The following NR3C2 variants were observed in gnomAD, a reference collection of about 807,000 sequenced individuals.
The protein encoded by NR3C2 is mineralocorticoid receptor.
NR3C2 carries 15 observed loss-of-function variants against 86.4 expected under a neutral mutation model. That is an observed-to-expected ratio of 0.17 (90% confidence interval 0.12 to 0.27). The LOEUF is 0.27. NR3C2 is among the 10% of genes least tolerant of loss of function. NR3C2 has a pLI of 1.00. For synonymous variants in NR3C2, 458 were observed against 450.5 expected (o/e 1.02, Z -0.21); for missense variants, 960 against 1,195.6 (o/e 0.80, Z 2.91).
intron 2 of NR3C2, among the ~76,000 whole-genome samples, chr4:148,263,203 G>A (rs780399602): frequency 2.0e-5 from 3 of 152,086 alleles, no homozygotes; most frequent in Admixed American, 6.5e-5. Context: ...CCTCTACCCC[G>A]TGTTCCAATT....
chr4:148,346,905 G>A (rs1745026062), intron 2 of NR3C2, among the ~76,000 whole-genome samples: 1 of 152,098 alleles, frequency 6.6e-6, no homozygotes, highest in Non-Finnish European at 1.5e-5. Context: ...GTAAAAAGAA[G>A]CACTAATGAG....
intron 2 of NR3C2, among the ~76,000 whole-genome samples, chr4:148,290,050 G>A (rs911868108): frequency 2.6e-5 from 4 of 152,086 alleles, no homozygotes; most frequent in African/African-American, 9.7e-5. Flanking sequence ...CCACAGGCTG[G>A]GTGGTTAAAT....
chr4:148,383,871 C>A (rs908906407), intron 2 of NR3C2, among the ~76,000 whole-genome samples: 12 of 149,024 alleles, frequency 8.1e-5, no homozygotes, highest in African/African-American at 3.0e-4. Flanking sequence ...TTGCTTGAAT[C>A]AGGGAGGTGG....
chr4:148,228,886 G>T (rs756179795), intron 3 of NR3C2, among the ~76,000 whole-genome samples: 1 of 152,056 alleles, frequency 6.6e-6, no homozygotes, highest in Non-Finnish European at 1.5e-5. Context: ...CCAGACTGCC[G>T]GCAGGAAAGA....
chr4:148,392,060 GA>G (rs2126495724), intron 2 of NR3C2, among the ~76,000 whole-genome samples: 1 of 151,918 alleles, frequency 6.6e-6, no homozygotes, highest in African/African-American at 2.4e-5. Flanking sequence ...GGTTTAAACA[GA>G]AAGCACCACA....
intron 7 of NR3C2, among the ~76,000 whole-genome samples, chr4:148,114,532 C>T (rs1370361167): frequency 6.6e-6 from 1 of 152,106 alleles, no homozygotes; most frequent in African/African-American, 2.4e-5. Context: ...TTATATCATT[C>T]TCATTTTACA....
intron 2 of NR3C2, among the ~76,000 whole-genome samples, chr4:148,340,335 T>C (rs1015369553): frequency 6.6e-6 from 1 of 151,998 alleles, no homozygotes; most frequent in African/African-American, 2.4e-5. Context: ...TGAAAAAGAA[T>C]AGAGCTAACT....
intron 2 of NR3C2, among the ~76,000 whole-genome samples, chr4:148,397,006 A>T (rs980020892): frequency 6.6e-6 from 1 of 152,198 alleles, no homozygotes; most frequent in Admixed American, 6.5e-5. Context: ...TAACTTGTAC[A>T]AATGTTCTCT....
intron 8 of NR3C2, among the ~76,000 whole-genome samples, chr4:148,113,044 T>C (rs1326989304): frequency 1.6e-4 from 25 of 152,224 alleles, no homozygotes. Context: ...TGAGCCGGAA[T>C]TGGAGAAGCT....
intron 3 of NR3C2, among the ~76,000 whole-genome samples, chr4:148,232,088 A>C (rs1376355418): frequency 8.5e-5 from 13 of 152,302 alleles, no homozygotes; most frequent in African/African-American, 3.1e-4. Context: ...GTTGGAATTA[A>C]CTTCTTCCAA....
In NR3C2 at chr4:148,169,034, C is replaced by T. The variant is rs72726672; in HGVS notation, c.2015-14133G>A. On this transcript the variant is annotated intron_variant, in intron 4 of 8. Coordinates refer to ENST00000358102, the MANE Select transcript of NR3C2 (RefSeq NM_000901.5). ...AGCCCTGTGAATTGAAATCAATATA[C>T]CATAACATGTGAATGTTAGATACAA... is the stretch of plus-strand genomic sequence containing the variant. 7.4e-3 allele frequency among the ~76,000 whole-genome samples: 1,126 copies of T among 152,238 alleles called. 7 individuals carry two copies. Among genetic ancestry groups the T allele is most frequent in the Non-Finnish European group, 0.012 (795 of 68,018 alleles).
At chr4:148,357,709 AATACC>A (rs1483272329) in intron 2 of NR3C2, among the ~76,000 whole-genome samples, 2 of 152,200 alleles carry the variant, frequency 1.3e-5, no homozygotes, top group African/African-American at 4.8e-5. Context: ...TCTGCTAAAT[AATACC>A]ATATTATATT....
intron 4 of NR3C2, among the ~76,000 whole-genome samples, chr4:148,185,124 A>G (rs909782795): frequency 3.3e-5 from 5 of 152,206 alleles, no homozygotes; most frequent in African/African-American, 1.2e-4. Context: ...TCTTCTCACC[A>G]TACATTTACT....
intron 6 of NR3C2, among the ~76,000 whole-genome samples, chr4:148,142,514 G>A (rs1316762611): frequency 1.3e-5 from 2 of 152,090 alleles, no homozygotes; most frequent in Non-Finnish European, 1.5e-5. Context: ...ACCCCCGAAA[G>A]GGCCTCGTTT....
intron 2 of NR3C2, among the ~76,000 whole-genome samples, chr4:148,309,591 TTC>T (rs1023920974): frequency 1.3e-5 from 2 of 151,052 alleles, no homozygotes; most frequent in African/African-American, 4.9e-5. Flanking sequence ...AATCTTCATA[TTC>T]TCTCTTTCTA....
intron 3 of NR3C2, among the ~76,000 whole-genome samples, chr4:148,210,240 G>C (rs945853219): frequency 1.3e-5 from 2 of 152,108 alleles, no homozygotes; most frequent in Non-Finnish European, 2.9e-5. Context: ...ACCCAGGCTG[G>C]AGTGCAGTGG....
At chr4:148,296,939 T>C (rs1742081194) in intron 2 of NR3C2, among the ~76,000 whole-genome samples, 1 of 152,184 alleles carries the variant, frequency 6.6e-6, no homozygotes, top group Non-Finnish European at 1.5e-5. Context: ...CACCTAAATA[T>C]ATTTATTTTG....
intron 2 of NR3C2, among the ~76,000 whole-genome samples, chr4:148,343,382 G>A (rs559433036): frequency 1.3e-5 from 2 of 152,126 alleles, no homozygotes; most frequent in Admixed American, 1.3e-4. Context: ...AAGTCCCAAG[G>A]CAGCAGCGGG....
intron 6 of NR3C2, among the ~76,000 whole-genome samples, chr4:148,150,910 C>T (rs555123332): frequency 6.6e-6 from 1 of 152,062 alleles, no homozygotes; most frequent in East Asian, 1.9e-4. Context: ...ATGAGCCAGG[C>T]ACAAAAGGAC....
Sources: gnomAD v4.1 joint callset for allele counts (sites outside exome capture counted in the v4.1 genomes callset) on GRCh38, gnomAD v4.1.1 for gene constraint, MANE v1.5 for transcripts, NCBI Gene and HGNC (gene_info 2026-07-23, HGNC 2026-07-21) for gene names.